The following CRB1 variants were observed in gnomAD, a reference collection of about 807,000 sequenced individuals.
The protein encoded by CRB1 is protein crumbs homolog 1.
Under a neutral mutation model 120.0 loss-of-function variants are expected in CRB1, and 83 were observed. The ratio of observed to expected loss-of-function variants is 0.69; its 90% CI spans 0.58 to 0.83. The LOEUF (loss-of-function observed/expected upper bound fraction) is 0.83. CRB1 is among the 40% of genes least tolerant of loss of function. CRB1 has a pLI of 0.00. For missense variants in CRB1, 1,699 were observed against 1,687.6 expected, an observed-to-expected ratio of 1.01 and a Z score of -0.12; for synonymous variants, 625 against 612.5, an observed-to-expected ratio of 1.02 and a Z score of -0.30.
intron 5 of CRB1, among the ~76,000 whole-genome samples, chr1:197,386,719 G>A (rs918260172): frequency 2.0e-5 from 3 of 152,094 alleles, no homozygotes; most frequent in Non-Finnish European, 2.9e-5. Context: ...CTAAGAAGGG[G>A]AGAATATACA....
chr1:197,453,398 T>G (rs1666070329), intron 11 of CRB1, among the ~76,000 whole-genome samples: 1 of 147,532 alleles, frequency 6.8e-6, no homozygotes, highest in South Asian at 2.1e-4. Flanking sequence ...TTATATAACA[T>G]ACTTATATAC....
intron 11 of CRB1, among the ~76,000 whole-genome samples, chr1:197,458,570 A>G (rs1666386856): frequency 6.6e-6 from 1 of 152,018 alleles, no homozygotes; most frequent in Admixed American, 6.6e-5. Flanking sequence ...AGGAAATCCA[A>G]TGTTCTGTCC....
chr1:197,248,338 G>A, the CRB1 span, among the ~76,000 whole-genome samples: 1 of 151,958 alleles, frequency 6.6e-6, no homozygotes, highest in Non-Finnish European at 1.5e-5. Flanking sequence ...AGTCCGACGG[G>A]TCTGATTTTG....
At chr1:197,273,651 C>T (rs1202558706) in intron 1 of CRB1, among the ~76,000 whole-genome samples, 1 of 151,944 alleles carries the variant, frequency 6.6e-6, no homozygotes, top group African/African-American at 2.4e-5. Context: ...TTATTTTATA[C>T]TCTGGGTTAT....
the CRB1 span, among the ~76,000 whole-genome samples, chr1:197,215,247 A>G: frequency 6.6e-6 from 1 of 151,204 alleles, no homozygotes; most frequent in Admixed American, 6.6e-5. Flanking sequence ...CATAATCCCC[A>G]AGTGACATGG....
At chr1:197,409,323 G>A (rs1252572032) in intron 5 of CRB1, among the ~76,000 whole-genome samples, 2 of 151,966 alleles carry the variant, frequency 1.3e-5, no homozygotes, top group African/African-American at 4.8e-5. Context: ...AGAGCTTTTG[G>A]CATAACACAT....
chr1:197,275,610 C>A (rs969143314), intron 1 of CRB1, among the ~76,000 whole-genome samples: 7 of 151,916 alleles, frequency 4.6e-5, no homozygotes, highest in Non-Finnish European at 1.0e-4. Flanking sequence ...CAGAAATTTC[C>A]TCCTATGTAA....
chr1:197,288,733 G>A (rs765597956), intron 1 of CRB1, among the ~76,000 whole-genome samples: 1 of 151,758 alleles, frequency 6.6e-6, no homozygotes, highest in South Asian at 2.1e-4. Flanking sequence ...ACGTTGAAGG[G>A]AAGGTTAGTG....
At chr1:197,463,769 A>T (rs1222409625) in intron 11 of CRB1, among the ~76,000 whole-genome samples, 2 of 152,194 alleles carry the variant, frequency 1.3e-5, no homozygotes, top group Non-Finnish European at 2.9e-5. Context: ...TACTTTTTCC[A>T]TATCCCTATG....
intron 1 of CRB1, among the ~76,000 whole-genome samples, chr1:197,300,117 T>G (rs1353476819): frequency 6.6e-6 from 1 of 151,882 alleles, no homozygotes; most frequent in African/African-American, 2.4e-5. Context: ...CTCCCTATTC[T>G]CAGGCCTCCA....
intron 1 of CRB1, among the ~76,000 whole-genome samples, chr1:197,324,288 T>A (rs1009720641): frequency 5.3e-5 from 8 of 152,292 alleles, no homozygotes; most frequent in Admixed American, 4.6e-4. Context: ...TATTATATAG[T>A]TTCATTTTCT....
chr1:197,394,554 T>C (rs1041746100), intron 5 of CRB1, among the ~76,000 whole-genome samples: 3 of 152,080 alleles, frequency 2.0e-5, no homozygotes, highest in African/African-American at 7.2e-5. Context: ...TTCACAATGA[T>C]TAAAATAAGT....
At chr1:197,320,994 A>G (rs763829451) in intron 1 of CRB1, among the ~76,000 whole-genome samples, 5 of 152,284 alleles carry the variant, frequency 3.3e-5, no homozygotes, top group Non-Finnish European at 7.4e-5. Context: ...GCAACCATGC[A>G]TCTCCTTCTC....
the CRB1 span, among the ~76,000 whole-genome samples, chr1:197,208,401 TC>T: frequency 6.6e-6 from 1 of 152,190 alleles, no homozygotes; most frequent in Admixed American, 6.5e-5. Context: ...GATTCCTCCA[TC>T]CCATGGAGTG....
At chr1:197,256,120 G>A in the CRB1 span, among the ~76,000 whole-genome samples, 2 of 150,588 alleles carry the variant, frequency 1.3e-5, no homozygotes, top group African/African-American at 4.9e-5. Context: ...GGTCATCAAT[G>A]ACCTCCATGT....
the CRB1 span, among the ~76,000 whole-genome samples, chr1:197,210,976 C>G: frequency 2.0e-5 from 3 of 152,002 alleles, no homozygotes; most frequent in Non-Finnish European, 4.4e-5. Flanking sequence ...ATATATTGAA[C>G]AAATACTTTG....
In CRB1 at chr1:197,435,596, A is replaced by G. The variant is rs1558139271; in HGVS notation, c.3733A>G (p.Thr1245Ala). 2.5e-6 allele frequency: 4 copies of G among 1,612,344 alleles called. No homozygotes were observed. Among genetic ancestry groups the G allele is most frequent in the Non-Finnish European group, 3.4e-6 (4 of 1,179,152 alleles). The change falls in exon 9 of 12, where the codon ACA becomes GCA. Residue 1245 changes from threonine (T) to alanine (A), a missense_variant. Thr to Ala is a moderately conservative substitution (Grantham distance 58). Transcript: ENST00000367400. ...GYSCLCFGNF[T>A]GKFCRQSRLP... is the part of the protein sequence containing the mutation. ...TTCTTGCCTCTGTTTTGGAAATTTTACAGGAAAATTTTGCAGGTGAGCATA... is the reference window on the plus strand; with the variant it reads ...TTCTTGCCTCTGTTTTGGAAATTTTGCAGGAAAATTTTGCAGGTGAGCATA...
At chr1:197,291,274 T>G (rs1173962662) in intron 1 of CRB1, among the ~76,000 whole-genome samples, 2 of 151,874 alleles carry the variant, frequency 1.3e-5, no homozygotes, top group Non-Finnish European at 2.9e-5. Flanking sequence ...GACATGTGTC[T>G]TTTATCCCAT....
intron 5 of CRB1, among the ~76,000 whole-genome samples, chr1:197,405,638 C>T (rs1399103934): frequency 1.3e-5 from 2 of 151,448 alleles, no homozygotes; most frequent in Non-Finnish European, 2.9e-5. Flanking sequence ...TGAGGAGTGT[C>T]TCTGCCCGGC....
Sources: allele counts gnomAD v4.1 joint callset (sites outside exome capture counted in the v4.1 genomes callset), GRCh38; gene constraint gnomAD v4.1.1; transcripts MANE v1.5; gene names NCBI Gene and HGNC (gene_info 2026-07-23, HGNC 2026-07-21).